The following PCID2 variants were observed in gnomAD, a reference collection of about 807,000 sequenced individuals.
PCID2 encodes the protein PCI domain-containing protein 2.
PCID2 carries 41 observed loss-of-function variants against 61.3 expected under a neutral mutation model. That is an observed-to-expected ratio of 0.67 (90% CI 0.52 to 0.87). The LOEUF is 0.87. Among genes scored for constraint, PCID2 ranks in the 40% least tolerant of loss-of-function variants. PCID2 has a pLI of 0.00. For synonymous variants in PCID2, 187 were observed against 177.8 expected (o/e 1.05, Z -0.41); for missense variants, 392 against 493.4 (o/e 0.79, Z 1.95).
In PCID2 at chr13:113,195,090, A is replaced by C. The variant is rs1411305987; in HGVS notation, c.344T>G (p.Leu115Arg). 1.2e-6 allele frequency: 2 copies of C among 1,610,658 alleles called. No homozygotes were observed. The highest frequency in any genetic ancestry group is 1.7e-6 in the Non-Finnish European group (2 of 1,176,766). Reference protein sequence around the residue: ...LPVMYAVALDLRVFANNADQQ... With the variant: ...LPVMYAVALDRRVFANNADQQ... ...ACTTACATTATTGGCAAACACTCGAAGGTCAAGCGCTACTGCATACATGAC... is the reference window on the plus strand; with the variant it reads ...ACTTACATTATTGGCAAACACTCGACGGTCAAGCGCTACTGCATACATGAC... The change falls in exon 6 of 14, where the codon CTT (leucine) becomes CGT (arginine). Residue 115 changes from leucine to arginine, a missense_variant. Leu to Arg is a moderately radical substitution (Grantham distance 102, BLOSUM62 -2). This residue lies in a region of PCID2 where 155 missense variants were observed against 164.9 expected (regional missense o/e 0.94). Transcript: ENST00000337344.
chr13:113,165,213 T>G, the PCID2 span: 1 of 1,332,916 alleles, frequency 7.5e-7, no homozygotes, highest in South Asian at 1.2e-5. Flanking sequence ...ACTAAGTGAA[T>G]CAGGCATCCT....
At position 113,208,644 on chromosome 13, in the gene PCID2, G is replaced by A; in HGVS notation, c.-10C>T. The A allele has an allele frequency of 1.2e-6, 2 of 1,605,114 alleles. No individual in the cohort carries two copies. Among genetic ancestry groups the A allele is most frequent in the East Asian group, 2.3e-5 (1 of 44,284 alleles). On this transcript the variant is annotated 5_prime_UTR_variant, in exon 1 of 14. Transcript: ENST00000337344. Reference sequence around the variant, plus strand: ...TGGTAATGTGCGCCATGGGAGCGCCGCCGAACGGAGAGCGCCACCCCCTAC... The same window carrying A: ...TGGTAATGTGCGCCATGGGAGCGCCACCGAACGGAGAGCGCCACCCCCTAC...
the PCID2 span, chr13:113,171,488 A>G: frequency 6.9e-7 from 1 of 1,456,672 alleles, no homozygotes; most frequent in South Asian, 1.2e-5. The surrounding 1 kb of genome is among the most constrained non-coding windows in gnomAD (Gnocchi z 5.1). Context: ...CGGGTCCTCC[A>G]GGGCCGGTCT....
chr13:113,201,728 C>T (rs376294780), intron 1 of PCID2, among the ~76,000 whole-genome samples: 2 of 149,798 alleles, frequency 1.3e-5, no homozygotes, highest in Non-Finnish European at 3.0e-5. Flanking sequence ...AGGAGAATGG[C>T]GCGAACCCAG....
chr13:113,178,817 T>C (rs2037348716), intron 13 of PCID2, 149 bp downstream of exon 13: 2 of 648,376 alleles, frequency 3.1e-6, no homozygotes, highest in East Asian at 6.0e-5. Flanking sequence ...AAGGCCCTGG[T>C]GAATGGTATT....
chr13:113,205,353 T>A (rs1243072916), intron 1 of PCID2, among the ~76,000 whole-genome samples: 2 of 151,988 alleles, frequency 1.3e-5, no homozygotes, highest in Non-Finnish European at 2.9e-5. Context: ...ATGGCCATAA[T>A]AAAAAGAATG....
In PCID2 at chr13:113,198,222, G is replaced by A; in HGVS notation, c.169C>T (p.Pro57Ser). 6.2e-7 allele frequency: 1 copy of A among 1,608,248 alleles called. No individual in the cohort carries two copies. Among genetic ancestry groups the A allele is most frequent in the Non-Finnish European group, 8.5e-7 (1 of 1,177,678 alleles). The change falls in exon 3 of 14, where the codon CCT becomes TCT. Residue 57 changes from proline (P) to serine (S), a missense_variant. Coordinates refer to ENST00000337344, the MANE Select transcript of PCID2 (RefSeq NM_001127202.4). ...TGAGCTGCAAACATTTCATCATAAG[G>A]GGGTTCCAAGACTTGTTGACACTTC... The part of the protein sequence containing the change: ...EEKCQQVLEP[P>S]YDEMFAAHLR...
chr13:113,208,306 G>A (rs1304281631), intron 1 of PCID2: 1 of 1,431,260 alleles, frequency 7.0e-7, no homozygotes, highest in Non-Finnish European at 9.1e-7. Context: ...GGCCACACGT[G>A]CCAGCAAGTG....
chr13:113,179,796 GA>G lies in PCID2; in HGVS notation c.986+120del. ...AGGCTTCATTTTATCCCACACAATGGAAGGAAGATAACGACCCCACCCACAC... is the reference window on the plus strand; with the variant it reads ...AGGCTTCATTTTATCCCACACAATGGAGGAAGATAACGACCCCACCCACAC... On this transcript the variant is annotated intron_variant, in intron 12 of 13. Transcript: ENST00000337344. This position sits in a 1 kb window ranked among gnomAD's most constrained non-coding sequence, Gnocchi z 4.3. 1 of 965,434 alleles carries G rather than the reference GA, an allele frequency of 1.0e-6. No homozygotes were observed. The highest frequency in any genetic ancestry group is 1.5e-6 in the Non-Finnish European group (1 of 653,276). 59.8% of individuals were successfully genotyped at this position (965,434 alleles called of 1,614,324 possible). A position where few individuals can be genotyped will look rare whatever the true frequency, so the allele number is the denominator to read the frequency against.
At chr13:113,206,748 G>A (rs76823280) in intron 1 of PCID2, among the ~76,000 whole-genome samples, 2,811 of 152,328 alleles carry the variant, frequency 0.018, 81 homozygotes, top group African/African-American at 0.063. Context: ...TTATCCATCA[G>A]AATTAGGAGG....
the PCID2 span, chr13:113,170,290 T>G: frequency 1.6e-6 from 1 of 626,936 alleles, no homozygotes; most frequent in Non-Finnish European, 2.8e-6. Flanking sequence ...TACGGCTGTC[T>G]GCCTTTGGCG....
chr13:113,189,588 G>GT (rs2038422421), intron 7 of PCID2, among the ~76,000 whole-genome samples: 1 of 152,150 alleles, frequency 6.6e-6, no homozygotes, highest in East Asian at 1.9e-4. Flanking sequence ...AGAGATGGGA[G>GT]TTTTAGAAGA....
At chr13:113,200,696 CTTTTTTTTTT>C (rs998821979) in intron 1 of PCID2, 180 bp from the exon 2 acceptor site, 1 of 220,786 alleles carries the variant, frequency 4.5e-6, no homozygotes, top group Non-Finnish European at 8.7e-6. Flanking sequence ...ACAATAATTT[CTTTTTTTTTT>C]TTTTTTTTTT....
rs376503828 is a variant in PCID2 at position 113,181,200 on chromosome 13, T to C, written c.716A>G (p.His239Arg). 1.9e-6 allele frequency: 3 copies of C among 1,613,694 alleles called. No individual in the cohort carries two copies. The African/African-American group carries it at 4.0e-5, about 22-fold the overall frequency. ...GTTCTTCTGACTAGAACGGTGACAA[T>C]GCTCAAAGGCAAATGACAGGTACTC... ...AEEYLSFAFE[H>R]CHRSSQKNKR... Residue 239 changes from histidine to arginine, a missense_variant, in exon 10 of 14, where the codon CAT (histidine) becomes CGT (arginine). His to Arg is a conservative substitution (Grantham distance 29, BLOSUM62 0). Transcript: ENST00000337344.
intron 4 of PCID2, 70 bp downstream of exon 4, chr13:113,197,108 G>A: frequency 6.2e-7 from 1 of 1,614,108 alleles, no homozygotes. Flanking sequence ...AGTGTTTCCG[G>A]GTCTCAAGTC....
chr13:113,166,831 A>G, the PCID2 span, among the ~76,000 whole-genome samples: 1 of 152,130 alleles, frequency 6.6e-6, no homozygotes, highest in Non-Finnish European at 1.5e-5. Context: ...TACCACCTGC[A>G]GGCTGTCTCC....
At chr13:113,200,600 C>T (rs2039348208) in intron 1 of PCID2, 84 bp from the exon 2 acceptor site, 1 of 862,704 alleles carries the variant, frequency 1.2e-6, no homozygotes, top group Admixed American at 2.1e-5. Context: ...GAATGCCACA[C>T]AGGGGAAAAT....
At chr13:113,194,505 T>C (rs1396101521) in intron 6 of PCID2, among the ~76,000 whole-genome samples, 1 of 152,112 alleles carries the variant, frequency 6.6e-6, no homozygotes. Flanking sequence ...GCAGGCACAA[T>C]AGGGTGAAAT....
In PCID2 at chr13:113,184,398, T is replaced by C. The variant is rs1209500273; in HGVS notation, c.633A>G (p.Thr211=). The C allele has an allele frequency of 6.2e-6, 10 of 1,611,952 alleles. No individual in the cohort carries two copies. The highest frequency in any genetic ancestry group is 5.9e-6 in the Non-Finnish European group (7 of 1,177,978). ...KDDYSTAQRV[T]YKYYVGRKAM... ...CCTTGCGTCCAACGTAGTATTTGTATGTTACTCTCTGTGCAGTGCTGTAAT... is the reference window on the plus strand; with the variant it reads ...CCTTGCGTCCAACGTAGTATTTGTACGTTACTCTCTGTGCAGTGCTGTAAT... The change falls in exon 9 of 14, where the codon ACA becomes ACG. Residue 211 remains threonine, a synonymous_variant. Coordinates refer to ENST00000337344, the MANE Select transcript of PCID2 (RefSeq NM_001127202.4).
Sources: allele counts gnomAD v4.1 joint callset (sites outside exome capture counted in the v4.1 genomes callset), GRCh38; gene constraint gnomAD v4.1.1; regional missense constraint gnomAD v4.1.1; non-coding constraint Gnocchi (gnomAD v3.1); transcripts MANE v1.5; gene names NCBI Gene and HGNC (gene_info 2026-07-23, HGNC 2026-07-21).